The following ADCY2 variants were observed in gnomAD, a reference collection of about 807,000 sequenced individuals.
The protein encoded by ADCY2 is adenylate cyclase type 2.
Under a neutral mutation model 125.2 loss-of-function variants are expected in ADCY2, and 31 were observed. The ratio of observed to expected loss-of-function variants is 0.25; its 90% CI spans 0.19 to 0.33. The LOEUF (loss-of-function observed/expected upper bound fraction) is 0.33, where lower values mean the gene tolerates loss of function less well. Ranked by LOEUF, ADCY2 falls within the 10% of genes least tolerant of loss-of-function variation. The probability of loss-of-function intolerance (pLI) is 1.00; values close to 1 mark genes in which losing one functional copy is unlikely to be tolerated. For synonymous variants in ADCY2, 512 were observed against 548.4 expected, an observed-to-expected ratio of 0.93 and a Z score of 0.93; for missense variants, 904 against 1,418.2, an observed-to-expected ratio of 0.64 and a Z score of 5.82.
chr5:7,556,695 G>A lies in ADCY2; in HGVS notation c.570+35796G>A, dbSNP rs114140561. 7.9e-3 allele frequency among the ~76,000 whole-genome samples: 1,204 copies of A among 152,264 alleles called. 11 individuals are homozygous for A. Among genetic ancestry groups the A allele is most frequent in the African/African-American group, 0.027 (1,131 of 41,542 alleles). The stretch of plus-strand genomic sequence containing the variant: ...GCACGGCATCAGGTGGGCAGCAGGC[G>A]AGCTCGCTTTACTGTCTAAGCTCCG... On this transcript the variant is annotated intron_variant, in intron 3 of 24. Transcript: ENST00000338316.
chr5:7,810,286 T>C (rs1319362855), intron 22 of ADCY2, among the ~76,000 whole-genome samples: 5 of 151,830 alleles, frequency 3.3e-5, no homozygotes, highest in Non-Finnish European at 7.4e-5. Context: ...GGTTATCTGC[T>C]TGAATGGTGG....
At chr5:7,636,265 G>T (rs1427184064) in intron 4 of ADCY2, among the ~76,000 whole-genome samples, 3 of 152,250 alleles carry the variant, frequency 2.0e-5, no homozygotes, top group African/African-American at 7.2e-5. Flanking sequence ...GGACACACAG[G>T]CTCAACCAGC....
chr5:7,461,373 A>T (rs963788473), intron 2 of ADCY2, among the ~76,000 whole-genome samples: 2 of 152,232 alleles, frequency 1.3e-5, no homozygotes, highest in Admixed American at 6.5e-5. Flanking sequence ...CACATGGCTC[A>T]GTTTGTCTTT....
At position 7,489,103 on chromosome 5, in the gene ADCY2, G is replaced by A. The variant is rs550136792; in HGVS notation, c.409-31635G>A. On this transcript the variant is annotated intron_variant, in intron 2 of 24. Transcript: ENST00000338316. ...CCTGCCCAGAGCACTCCTGAGGCCC[G>A]GCTCTCCCACTCCCATTTCTACTGT... Among the ~76,000 whole-genome samples, 12 of 152,228 alleles carry A rather than the reference G, an allele frequency of 7.9e-5. No homozygotes were observed. The South Asian group carries it at 1.2e-3, about 16-fold the overall frequency.
chr5:7,707,605 A>C, intron 8 of ADCY2, 101 bp from the exon 9 acceptor site: 1 of 1,414,476 alleles, frequency 7.1e-7, no homozygotes, highest in Non-Finnish European at 9.7e-7. Context: ...GCTCCTAAGA[A>C]CTTTAGTGGA....
intron 3 of ADCY2, among the ~76,000 whole-genome samples, chr5:7,544,619 A>G (rs1460618243): frequency 1.3e-5 from 2 of 152,128 alleles, no homozygotes; most frequent in African/African-American, 4.8e-5. Flanking sequence ...GGCAGCATCC[A>G]CAGGTTCCAG....
intron 3 of ADCY2, among the ~76,000 whole-genome samples, chr5:7,527,282 G>C: frequency 6.6e-6 from 1 of 152,294 alleles, no homozygotes; most frequent in East Asian, 1.9e-4. Context: ...AAGCTTGTGC[G>C]TGTTTAGTGC....
chr5:7,413,292 TTTTTTTC>T (rs974780561), intron 1 of ADCY2, among the ~76,000 whole-genome samples: 2 of 152,058 alleles, frequency 1.3e-5, no homozygotes, highest in Non-Finnish European at 2.9e-5. Flanking sequence ...CTTGGGGTTT[TTTTTTTC>T]TTTTTTCTTT....
chr5:7,755,373 T>C, intron 15 of ADCY2, among the ~76,000 whole-genome samples: 1 of 151,952 alleles, frequency 6.6e-6, no homozygotes, highest in Non-Finnish European at 1.5e-5. Context: ...ACACAAACAT[T>C]GTTCATCTTT....
chr5:7,397,457 T>TG (rs34947787), intron 1 of ADCY2, among the ~76,000 whole-genome samples: 5,720 of 145,942 alleles, frequency 0.039, 151 homozygotes, highest in South Asian at 0.076. Context: ...TTTTTTTTTT[T>TG]TTTTTTTTTT....
chr5:7,424,117 C>G (rs897534300), intron 2 of ADCY2, among the ~76,000 whole-genome samples: 4 of 152,230 alleles, frequency 2.6e-5, no homozygotes, highest in Non-Finnish European at 5.9e-5. Flanking sequence ...GCTTGCTGCT[C>G]TGTTCCCAGT....
At chr5:7,475,054 G>A (rs2126462542) in intron 2 of ADCY2, among the ~76,000 whole-genome samples, 1 of 152,272 alleles carries the variant, frequency 6.6e-6, no homozygotes, top group Middle Eastern at 3.4e-3. Flanking sequence ...AGCAGGGGGA[G>A]TCCTCCCACC....
At position 7,820,840 on chromosome 5, in the gene ADCY2, G is replaced by T. The variant is rs554731359; in HGVS notation, c.3123+151G>T. ...TATCTTTTGGAGAACAATTTTTGGG[G>T]AAATGTCAGTTTCTGTATTGACTGT... On this transcript the variant is annotated intron_variant, in intron 24 of 24. Coordinates refer to ENST00000338316, the MANE Select transcript of ADCY2 (RefSeq NM_020546.3). 4.8e-5 allele frequency: 51 copies of T among 1,057,482 alleles called. No individual in the cohort carries two copies. The South Asian group carries it at 9.7e-4, about 20-fold the overall frequency. 65.5% of individuals were successfully genotyped at this position (1,057,482 alleles called of 1,614,324 possible).
chr5:7,692,127 A>C (rs1740725455), intron 5 of ADCY2: 2 of 152,210 alleles, frequency 1.3e-5, no homozygotes, highest in African/African-American at 4.8e-5. Context: ...TTATCGCCAT[A>C]AGTAACCTGT....
At chr5:7,622,666 A>G (rs1376554344) in intron 3 of ADCY2, among the ~76,000 whole-genome samples, 2 of 152,208 alleles carry the variant, frequency 1.3e-5, no homozygotes, top group Non-Finnish European at 2.9e-5. Flanking sequence ...CATTGGCTGG[A>G]AGACAGGCAG....
At chr5:7,501,656 C>T (rs955250654) in intron 2 of ADCY2, among the ~76,000 whole-genome samples, 2 of 110,332 alleles carry the variant, frequency 1.8e-5, no homozygotes, top group Non-Finnish European at 2.0e-5. Context: ...TCCCCCCCCC[C>T]CCGCCAGTAA....
At chr5:7,760,102 G>A (rs1743145663) in intron 16 of ADCY2, among the ~76,000 whole-genome samples, 1 of 152,240 alleles carries the variant, frequency 6.6e-6, no homozygotes, top group South Asian at 2.1e-4. Flanking sequence ...CAATTTCCTG[G>A]ATACTGCAAG....
intron 24 of ADCY2, among the ~76,000 whole-genome samples, chr5:7,823,739 TTGGGAGAA>T (rs1462310818): frequency 6.6e-6 from 1 of 152,166 alleles, no homozygotes; most frequent in Non-Finnish European, 1.5e-5. Flanking sequence ...TTTTAAGCAC[TTGGGAGAA>T]GTATCAAAAG....
intron 2 of ADCY2, among the ~76,000 whole-genome samples, chr5:7,502,949 T>C (rs1743649338): frequency 6.6e-6 from 1 of 152,162 alleles, no homozygotes; most frequent in Admixed American, 6.5e-5. Context: ...GATAAAACTG[T>C]TGTCCTTCTG....
Sources: allele counts gnomAD v4.1 joint callset (sites outside exome capture counted in the v4.1 genomes callset), GRCh38; gene constraint gnomAD v4.1.1; transcripts MANE v1.5; gene names NCBI Gene and HGNC (gene_info 2026-07-23, HGNC 2026-07-21).